The following CPNE2 variants were observed in gnomAD, a reference collection of about 807,000 sequenced individuals.
CPNE2 encodes the protein copine-2.
A neutral mutation model predicts 69.7 loss-of-function variants in CPNE2; 42 were observed. The observed-to-expected ratio is 0.60, with a 90% CI of 0.47 to 0.78. CPNE2 has a LOEUF of 0.78. Among genes scored for constraint, CPNE2 ranks in the 30% least tolerant of loss-of-function variants. The pLI is 0.00. For missense variants in CPNE2, 587 were observed against 732.0 expected, an observed-to-expected ratio of 0.80 and a Z score of 2.29; for synonymous variants, 294 against 289.8, an observed-to-expected ratio of 1.01 and a Z score of -0.15.
intron 10 of CPNE2, 167 bp from the exon 11 acceptor site, chr16:57,125,693 G>T: frequency 1.3e-6 from 1 of 776,002 alleles, no homozygotes; most frequent in Non-Finnish European, 2.0e-6. Flanking sequence ...TTAGAGCAGA[G>T]GAGTGATACA....
chr16:57,118,684 GGATGGATA>G (rs1431485910), intron 5 of CPNE2, among the ~76,000 whole-genome samples: 2 of 151,654 alleles, frequency 1.3e-5, no homozygotes, highest in African/African-American at 4.8e-5. Context: ...ATGGATGGAT[GGATGGATA>G]GATAGATAGA....
chr16:57,128,085 G>A (rs2069813077), intron 12 of CPNE2, among the ~76,000 whole-genome samples, 182 bp downstream of exon 12: 1 of 152,152 alleles, frequency 6.6e-6, no homozygotes, highest in African/African-American at 2.4e-5. Flanking sequence ...GCTGTAACGG[G>A]GCAGCACGTT....
chr16:57,111,088 T>A (rs764565334), intron 2 of CPNE2, among the ~76,000 whole-genome samples, 166 bp downstream of exon 2: 1 of 129,590 alleles, frequency 7.7e-6, no homozygotes, highest in African/African-American at 3.4e-5. Context: ...GAAATTTTAT[T>A]TTAAATATAT....
At position 57,118,696 on chromosome 16, in the gene CPNE2, A is replaced by G. The variant is rs74854155; in HGVS notation, c.508-499A>G. On this transcript the variant is annotated intron_variant, in intron 5 of 15. Transcript: ENST00000290776. The stretch of plus-strand genomic sequence containing the variant: ...TGGATGGATGGATGGATGGATAGAT[A>G]GATAGATAGATAGAGTGAGTCACAT... Among the ~76,000 whole-genome samples, 1,342 of 141,852 alleles carry G rather than the reference A, an allele frequency of 9.5e-3. 21 individuals are homozygous for G. Among genetic ancestry groups the G allele is most frequent in the African/African-American group, 0.033 (1,274 of 38,536 alleles). The allele number at this position is 141,852 out of a possible 152,430, so 93.1% of individuals were successfully genotyped here. A position where few individuals can be genotyped will look rare whatever the true frequency, so the allele number is the denominator to read the frequency against.
intron 13 of CPNE2, among the ~76,000 whole-genome samples, chr16:57,136,650 A>G (rs1420585304): frequency 2.0e-5 from 3 of 152,202 alleles, no homozygotes; most frequent in African/African-American, 7.2e-5. Flanking sequence ...ACGGTGACTC[A>G]TGCCTGTAAT....
intron 12 of CPNE2, among the ~76,000 whole-genome samples, chr16:57,133,012 T>C (rs554846383): frequency 6.6e-6 from 1 of 152,148 alleles, no homozygotes; most frequent in Non-Finnish European, 1.5e-5. Context: ...GCTTTCCCAC[T>C]GTGGTCTCTA....
chr16:57,094,699 C>A (rs1467480646), intron 1 of CPNE2, among the ~76,000 whole-genome samples: 1 of 152,160 alleles, frequency 6.6e-6, no homozygotes, highest in South Asian at 2.1e-4. Flanking sequence ...ATTAAGAAGC[C>A]TGATGTGGGT....
At chr16:57,103,913 T>G (rs373305080) in intron 1 of CPNE2, among the ~76,000 whole-genome samples, 2 of 152,136 alleles carry the variant, frequency 1.3e-5, no homozygotes, top group African/African-American at 4.8e-5. Context: ...CTTTTTTGGT[T>G]GTTGTTTTTT....
At chr16:57,101,699 C>T (rs1484619622) in intron 1 of CPNE2, among the ~76,000 whole-genome samples, 1 of 152,200 alleles carries the variant, frequency 6.6e-6, no homozygotes, top group African/African-American at 2.4e-5. Flanking sequence ...AAGTGTGGTT[C>T]CAGGGGGGCA....
intron 4 of CPNE2, 48 bp from the exon 5 acceptor site, chr16:57,117,448 C>T (rs1597495832): frequency 1.3e-6 from 2 of 1,588,370 alleles, no homozygotes; most frequent in African/African-American, 1.3e-5. Context: ...TCCTGCCTGG[C>T]AGGAGGCTGG....
At chr16:57,143,290 G>A (rs2069935546) in intron 14 of CPNE2, 1 of 152,356 alleles carries the variant, frequency 6.6e-6, no homozygotes, top group African/African-American at 2.4e-5. Context: ...CACTTGCTGA[G>A]GCCAAGCCCC....
intron 3 of CPNE2, 42 bp downstream of exon 3, chr16:57,113,509 C>G: frequency 6.3e-7 from 1 of 1,582,538 alleles, no homozygotes; most frequent in East Asian, 2.3e-5. Flanking sequence ...GCCCAAAGAC[C>G]GGGCAACCCC....
At chr16:57,134,744 G>T (rs202102118) in intron 12 of CPNE2, 31 bp from the exon 13 acceptor site, 18 of 1,613,574 alleles carry the variant, frequency 1.1e-5, no homozygotes, top group Non-Finnish European at 1.5e-5. Context: ...GGGGCGGGAG[G>T]CTGCAGCTCA....
chr16:57,107,173 C>T (rs1349253035), intron 1 of CPNE2, among the ~76,000 whole-genome samples: 32 of 152,296 alleles, frequency 2.1e-4, no homozygotes, highest in Non-Finnish European at 1.6e-4. Context: ...CAACTTGGCA[C>T]AGCTGCCCAG....
At chr16:57,131,055 G>A (rs2069835227) in intron 12 of CPNE2, among the ~76,000 whole-genome samples, 1 of 152,160 alleles carries the variant, frequency 6.6e-6, no homozygotes, top group Non-Finnish European at 1.5e-5. Flanking sequence ...CGCTGCAGAT[G>A]GGCAGGGAAT....
intron 10 of CPNE2, 129 bp from the exon 11 acceptor site, chr16:57,125,731 T>C: frequency 8.7e-7 from 1 of 1,154,294 alleles, no homozygotes; most frequent in Non-Finnish European, 1.2e-6. Flanking sequence ...TTTCAGACCA[T>C]CTTATTGTGG....
At chr16:57,132,179 T>C (rs2069843018) in intron 12 of CPNE2, among the ~76,000 whole-genome samples, 1 of 152,202 alleles carries the variant, frequency 6.6e-6, no homozygotes, top group African/African-American at 2.4e-5. Context: ...GTGACCAGGC[T>C]GCCTGCCTTT....
At chr16:57,126,876 T>C (rs752983056) in intron 11 of CPNE2, among the ~76,000 whole-genome samples, 1 of 152,190 alleles carries the variant, frequency 6.6e-6, no homozygotes, top group Non-Finnish European at 1.5e-5. Flanking sequence ...AGACTTAGCA[T>C]GGCCCCAGTG....
Position 57,131,089 on chromosome 16 carries a change from A to C in CPNE2, c.1116+3186A>C, listed in dbSNP as rs150596036. ...ATGCTGTCCCATTTTACAGGGCAATAAACTGAGGCTTGGAGCCTCAAAATG... is the reference window on the plus strand; with the variant it reads ...ATGCTGTCCCATTTTACAGGGCAATCAACTGAGGCTTGGAGCCTCAAAATG... On this transcript the variant is annotated intron_variant, in intron 12 of 15. Transcript: ENST00000290776. Among the ~76,000 whole-genome samples the C allele has an allele frequency of 7.1e-3, 1,082 of 152,244 alleles. 13 individuals carry two copies. Among genetic ancestry groups the C allele is most frequent in the African/African-American group, 0.025 (1,046 of 41,538 alleles).
Sources: gnomAD v4.1 joint callset for allele counts (sites outside exome capture counted in the v4.1 genomes callset) on GRCh38, gnomAD v4.1.1 for gene constraint, MANE v1.5 for transcripts, NCBI Gene and HGNC (gene_info 2026-07-23, HGNC 2026-07-21) for gene names.